UTRN: variants seen among roughly 807,000 people sequenced by gnomAD.
The protein encoded by UTRN is dystrophin-related protein 1.
Under a neutral mutation model 463.9 loss-of-function variants are expected in UTRN, and 283 were observed. The ratio of observed to expected loss-of-function variants is 0.61; its 90% CI spans 0.55 to 0.67. UTRN has a LOEUF of 0.67. Ranked by LOEUF, UTRN falls within the 30% of genes least tolerant of loss-of-function variation. The pLI is 0.00. For synonymous variants in UTRN, 1,442 were observed against 1,431.5 expected (o/e 1.01, Z -0.17); for missense variants, 3,922 against 4,084.3 (o/e 0.96, Z 1.08).
chr6:144,466,977 CTT>C (rs953032116), intron 23 of UTRN, among the ~76,000 whole-genome samples: 8 of 152,204 alleles, frequency 5.3e-5, no homozygotes, highest in Non-Finnish European at 1.0e-4. Flanking sequence ...CTTCCTGTCT[CTT>C]CTCTCTGGAA....
At chr6:144,461,040 A>G (rs1241776856) in intron 21 of UTRN, among the ~76,000 whole-genome samples, 157 bp from the exon 22 acceptor site, 1 of 152,248 alleles carries the variant, frequency 6.6e-6, no homozygotes, top group Non-Finnish European at 1.5e-5. Context: ...AGAAATGCCA[A>G]TGGAATGATC....
At chr6:144,333,691 G>A (rs565951767) in intron 2 of UTRN, among the ~76,000 whole-genome samples, 1 of 152,178 alleles carries the variant, frequency 6.6e-6, no homozygotes, top group East Asian at 1.9e-4. Context: ...GCCAGGGGTG[G>A]ACGGTTTGCA....
chr6:144,706,847 T>G (rs1339181652), intron 53 of UTRN: 4 of 152,194 alleles, frequency 2.6e-5, no homozygotes, highest in Admixed American at 2.0e-4. Flanking sequence ...CCAGGTAAAA[T>G]ACTGATAGTG....
intron 71 of UTRN, 58 bp downstream of exon 71, chr6:144,836,599 G>C (rs969587797): frequency 1.3e-6 from 2 of 1,596,314 alleles, no homozygotes; most frequent in Admixed American, 1.7e-5. Context: ...ACTGCCCTGG[G>C]AGATGATGGT....
rs560581181 is a variant in UTRN, at chr6:144,347,837, GT to G, written c.80-55274del. ...TCTCCTGAACTGTGGCTTATTCTTTGTTTTTTTTTTTTGTTTTTTTTTTTGA... is the reference window on the plus strand; with the variant it reads ...TCTCCTGAACTGTGGCTTATTCTTTGTTTTTTTTTTTGTTTTTTTTTTTGA... On this transcript the variant is annotated intron_variant, in intron 2 of 74. Coordinates refer to ENST00000367545, the MANE Select transcript of UTRN (RefSeq NM_007124.3). Among the ~76,000 whole-genome samples, 106 of 128,822 alleles carry G rather than the reference GT, an allele frequency of 8.2e-4. 2 individuals are homozygous for G. The highest frequency in any genetic ancestry group is 1.6e-3 in the African/African-American group (46 of 29,476). 84.5% of individuals were successfully genotyped at this position (128,822 alleles called of 152,430 possible).
chr6:144,372,581 G>C (rs1780095294), intron 2 of UTRN, among the ~76,000 whole-genome samples: 1 of 148,676 alleles, frequency 6.7e-6, no homozygotes, highest in Admixed American at 6.7e-5. Flanking sequence ...TGCAACCTCT[G>C]CCTCCCAGGT....
At chr6:144,542,734 G>C in intron 45 of UTRN, 61 bp from the exon 46 acceptor site, 2 of 1,532,612 alleles carry the variant, frequency 1.3e-6, no homozygotes, top group Non-Finnish European at 1.8e-6. Context: ...CTCTTCTTTT[G>C]AACTACAGTC....
In UTRN at chr6:144,523,059, T is replaced by C. The variant is rs1427869882; in HGVS notation, c.5777T>C (p.Val1926Ala). 6.2e-7 allele frequency: 1 copy of C among 1,613,112 alleles called. No individual in the cohort carries two copies. Residue 1926 changes from valine to alanine, a missense_variant, in exon 41 of 75, where the codon GTC becomes GCC. Val to Ala is a moderately conservative substitution (Grantham distance 64). Around this residue, in one of 3 missense-constraint regions of UTRN, gnomAD observed 2,349 missense variants for 2,303.8 expected, o/e 1.02. Coordinates refer to ENST00000367545, the MANE Select transcript of UTRN (RefSeq NM_007124.3). Reference protein sequence around the residue: ...QLDKLGEQIAVIHEKQPDVIL... With the variant: ...QLDKLGEQIAAIHEKQPDVIL... ...GACAAACTTGGAGAGCAGATTGCAG[T>C]CATTCATGAAAAACAGCCAGATGTC...
chr6:144,294,822 C>G (rs950783524), intron 2 of UTRN, among the ~76,000 whole-genome samples: 5 of 151,994 alleles, frequency 3.3e-5, no homozygotes, highest in Non-Finnish European at 5.9e-5. Flanking sequence ...ATTTTAAAGC[C>G]ATTTCTACCA....
intron 51 of UTRN, among the ~76,000 whole-genome samples, chr6:144,643,509 TA>T (rs1403224591): frequency 6.6e-6 from 1 of 152,172 alleles, no homozygotes; most frequent in African/African-American, 2.4e-5. Context: ...AAATTTGTGT[TA>T]ATTGGGCCGG....
At chr6:144,721,206 C>T (rs1787115166) in intron 53 of UTRN, among the ~76,000 whole-genome samples, 2 of 152,072 alleles carry the variant, frequency 1.3e-5, no homozygotes, top group Non-Finnish European at 2.9e-5. Flanking sequence ...TCAGTATTCC[C>T]TTTGTTGCTG....
intron 53 of UTRN, among the ~76,000 whole-genome samples, chr6:144,721,821 T>G (rs761158828): frequency 1.3e-5 from 2 of 151,840 alleles, no homozygotes; most frequent in Non-Finnish European, 2.9e-5. Flanking sequence ...GAAGGTAATT[T>G]TATACAATAC....
intron 6 of UTRN, among the ~76,000 whole-genome samples, chr6:144,424,400 T>C (rs950727391): frequency 6.6e-6 from 1 of 152,144 alleles, no homozygotes; most frequent in Non-Finnish European, 1.5e-5. Context: ...ATCTGTCAAA[T>C]TTCCTCTTTT....
rs368264418 is a variant in UTRN at position 144,388,536 on chromosome 6, C to T, written c.80-14587C>T. ...TATTTATTTGAGACAGGATCTCACT[C>T]ACCCAAACTGGAGTGCAGTGGTGTG... On this transcript the variant is annotated intron_variant, in intron 2 of 74. Coordinates refer to ENST00000367545, the MANE Select transcript of UTRN (RefSeq NM_007124.3). Among the ~76,000 whole-genome samples the T allele has an allele frequency of 4.2e-5, 6 of 144,090 alleles. No homozygotes were observed. The South Asian group carries it at 1.3e-3, about 30-fold the overall frequency. 94.5% of individuals were successfully genotyped at this position (144,090 alleles called of 152,430 possible). A position where few individuals can be genotyped will look rare whatever the true frequency, so the allele number is the denominator to read the frequency against.
In UTRN at chr6:144,557,266, A is replaced by G; in HGVS notation, c.7244A>G (p.Glu2415Gly). Reference sequence around the variant, plus strand: ...AGTGATGACACAAGGAATGTGAAAGAAACCACAGAGTACTTAAAAACATCA... The same window carrying G: ...AGTGATGACACAAGGAATGTGAAAGGAACCACAGAGTACTTAAAAACATCA... Reference protein sequence around the residue: ...YGSDDTRNVKETTEYLKTSWI... With the variant: ...YGSDDTRNVKGTTEYLKTSWI... The change falls in exon 50 of 75, where the codon GAA becomes GGA. Residue 2415 changes from glutamate (E) to glycine (G), a missense_variant. Transcript: ENST00000367545. The G allele has an allele frequency of 6.2e-7, 1 of 1,613,952 alleles. No homozygotes were observed. The highest frequency in any genetic ancestry group is 1.1e-5 in the South Asian group (1 of 91,076).
chr6:144,788,261 T>C (rs962819702), intron 61 of UTRN, among the ~76,000 whole-genome samples: 2 of 152,176 alleles, frequency 1.3e-5, no homozygotes, highest in Admixed American at 1.3e-4. Flanking sequence ...CACTGACTAT[T>C]AAAATTGCAA....
At chr6:144,316,624 G>A (rs368591063) in intron 2 of UTRN, among the ~76,000 whole-genome samples, 97 of 152,238 alleles carry the variant, frequency 6.4e-4, no homozygotes, top group African/African-American at 2.2e-3. Flanking sequence ...TGAATTGATC[G>A]CTTGCTAATC....
intron 73 of UTRN, among the ~76,000 whole-genome samples, chr6:144,844,092 T>C (rs1452010291): frequency 1.3e-5 from 2 of 152,238 alleles, no homozygotes; most frequent in African/African-American, 4.8e-5. Context: ...TTTTCTCTGG[T>C]ATTATATACA....
intron 2 of UTRN, among the ~76,000 whole-genome samples, chr6:144,337,769 C>T (rs1413823131): frequency 6.6e-6 from 1 of 152,154 alleles, no homozygotes; most frequent in African/African-American, 2.4e-5. Context: ...CACACGCCAC[C>T]ACGCCTGGCT....
Sources: allele counts gnomAD v4.1 joint callset (sites outside exome capture counted in the v4.1 genomes callset), GRCh38; gene constraint gnomAD v4.1.1; regional missense constraint gnomAD v4.1.1; transcripts MANE v1.5; gene names NCBI Gene and HGNC (gene_info 2026-07-23, HGNC 2026-07-21).